The following RBFOX1 variants were observed in gnomAD, a reference collection of about 807,000 sequenced individuals.
RBFOX1 encodes the protein RNA binding protein fox-1 homolog 1.
RBFOX1 carries 8 observed loss-of-function variants against 57.7 expected under a neutral mutation model. That is an observed-to-expected ratio of 0.14 (90% confidence interval 0.08 to 0.25). The LOEUF (loss-of-function observed/expected upper bound fraction) is 0.25. Among genes scored for constraint, RBFOX1 ranks in the 10% least tolerant of loss-of-function variants. The pLI is 1.00. For synonymous variants in RBFOX1, 326 were observed against 222.4 expected, an observed-to-expected ratio of 1.47 and a Z score of -4.15; for missense variants, 611 against 548.5, an observed-to-expected ratio of 1.11 and a Z score of -1.14.
At chr16:7,219,045 G>A (rs1416490804) in intron 4 of RBFOX1, among the ~76,000 whole-genome samples, 1 of 152,148 alleles carries the variant, frequency 6.6e-6, no homozygotes, top group Non-Finnish European at 1.5e-5. Flanking sequence ...GCCAGACAAA[G>A]CACGCCTTTG....
At chr16:6,946,177 A>G (rs1264682397) in intron 3 of RBFOX1, among the ~76,000 whole-genome samples, 1 of 152,250 alleles carries the variant, frequency 6.6e-6, no homozygotes, top group Non-Finnish European at 1.5e-5. Context: ...AAGTGTTTAC[A>G]GTAAAGGACC....
chr16:6,215,284 G>C lies in RBFOX1; in HGVS notation c.-126-101711G>C, dbSNP rs531557696. On this transcript the variant is annotated intron_variant, in intron 1 of 15. Coordinates refer to ENST00000550418, the MANE Select transcript of RBFOX1 (RefSeq NM_018723.4). ...GAAGGGCAGAGGGAGAGAGGGAAAA[G>C]GAGAGGGAGAGGGAGAGAGGGAGAG... Among the ~76,000 whole-genome samples, 351 of 133,728 alleles carry C rather than the reference G, an allele frequency of 2.6e-3. 2 individuals are homozygous for C. The highest frequency in any genetic ancestry group is 5.3e-3 in the Middle Eastern group (1 of 188). 87.7% of individuals were successfully genotyped at this position (133,728 alleles called of 152,430 possible). A position where few individuals can be genotyped will look rare whatever the true frequency, so the allele number is the denominator to read the frequency against.
At chr16:6,370,404 G>A (rs2090259296) in intron 2 of RBFOX1, among the ~76,000 whole-genome samples, 1 of 145,576 alleles carries the variant, frequency 6.9e-6, no homozygotes, top group South Asian at 2.2e-4. Flanking sequence ...ACACACCCTG[G>A]ACTGCCCATT....
At chr16:6,468,435 A>G (rs2095100665) in intron 2 of RBFOX1, among the ~76,000 whole-genome samples, 1 of 152,188 alleles carries the variant, frequency 6.6e-6, no homozygotes, top group Non-Finnish European at 1.5e-5. Context: ...ATACAATTAT[A>G]GCTTAGGACA....
chr16:5,727,596 A>T (rs9922680), intron 3 of RBFOX1, among the ~76,000 whole-genome samples: 12 of 152,140 alleles, frequency 7.9e-5, no homozygotes, highest in African/African-American at 2.7e-4. Flanking sequence ...TTATCTTTTA[A>T]CAAAGTTTGT....
chr16:7,141,704 C>A (rs1023576128), intron 4 of RBFOX1, among the ~76,000 whole-genome samples: 13 of 151,942 alleles, frequency 8.6e-5, no homozygotes, highest in African/African-American at 3.1e-4. Context: ...CTTTTGGATC[C>A]CTTCTTCTCC....
intron 1 of RBFOX1, among the ~76,000 whole-genome samples, chr16:5,429,767 T>G (rs879607159): frequency 6.6e-6 from 1 of 152,198 alleles, no homozygotes; most frequent in Admixed American, 6.5e-5. Context: ...GTGGCAGTGT[T>G]TGGCCTGCTG....
chr16:7,703,493 TAAA>T (rs1568567959), intron 14 of RBFOX1, among the ~76,000 whole-genome samples: 1 of 152,102 alleles, frequency 6.6e-6, no homozygotes, highest in Admixed American at 6.5e-5. Flanking sequence ...AATGGAAGAA[TAAA>T]AAGTTCCCAG....
At chr16:7,503,506 C>T (rs1040081547) in intron 4 of RBFOX1, among the ~76,000 whole-genome samples, 15 of 152,144 alleles carry the variant, frequency 9.9e-5, no homozygotes, top group African/African-American at 3.6e-4. Context: ...TCCTTCTCCC[C>T]TTGTGGATTT....
At chr16:6,951,428 C>G (rs1598203272) in intron 3 of RBFOX1, among the ~76,000 whole-genome samples, 1 of 152,280 alleles carries the variant, frequency 6.6e-6, no homozygotes. Context: ...TTAAGAATCT[C>G]ATAATGGAGT....
rs146533694 is a variant in RBFOX1 at position 7,615,186 on chromosome 16, A to G, written c.676+7848A>G. Among the ~76,000 whole-genome samples, 15 of 152,308 alleles carry G rather than the reference A, an allele frequency of 9.8e-5. No homozygotes were observed. The East Asian group carries it at 2.7e-3, about 27-fold the overall frequency. ...ATCTCTACTAAAAATACAAAAAAGT[A>G]TCTGGGCGTGGTGGCGGGCACCTGT... On this transcript the variant is annotated intron_variant, in intron 10 of 15. Transcript: ENST00000550418.
At chr16:5,378,514 C>T (rs371495058) in intron 1 of RBFOX1, among the ~76,000 whole-genome samples, 3 of 151,612 alleles carry the variant, frequency 2.0e-5, no homozygotes, top group African/African-American at 2.4e-5. Flanking sequence ...TAACTATTTT[C>T]GTTCTGTGAA....
rs549407621 is a variant in RBFOX1, at chr16:6,335,883, T to C, written c.-64+18826T>C. ...AGAGAACCTGCATTGTGATATTTCC[T>C]ATGTCCATATGTCCATCATTGTTCT... On this transcript the variant is annotated intron_variant, in intron 2 of 15. Transcript: ENST00000550418. Among the ~76,000 whole-genome samples the C allele has an allele frequency of 4.0e-5, 6 of 150,878 alleles. No individual in the cohort carries two copies. The South Asian group carries it at 6.3e-4, about 16-fold the overall frequency.
intron 4 of RBFOX1, among the ~76,000 whole-genome samples, chr16:7,089,694 C>G (rs2151081033): frequency 6.6e-6 from 1 of 152,230 alleles, no homozygotes; most frequent in East Asian, 1.9e-4. Context: ...TCCCAGACCC[C>G]CTTCCACATC....
At chr16:6,441,891 C>T (rs147819556) in intron 2 of RBFOX1, among the ~76,000 whole-genome samples, 13 of 152,264 alleles carry the variant, frequency 8.5e-5, no homozygotes, top group Non-Finnish European at 1.6e-4. Flanking sequence ...ATCTCTGACT[C>T]AGGCAGCAGT....
intron 3 of RBFOX1, among the ~76,000 whole-genome samples, chr16:6,900,814 C>G (rs184954093): frequency 1.3e-5 from 2 of 152,288 alleles, no homozygotes; most frequent in Admixed American, 1.3e-4. Context: ...CCTAATATTC[C>G]ACTTAACATG....
chr16:5,805,277 T>C (rs1597324843), intron 3 of RBFOX1, among the ~76,000 whole-genome samples: 1 of 152,282 alleles, frequency 6.6e-6, no homozygotes, highest in African/African-American at 2.4e-5. Flanking sequence ...GGTTCATTCA[T>C]TTATTTATTT....
rs865843019 is a variant in RBFOX1, at chr16:6,838,332, C to A, written c.-16+183682C>A. ...CTGAGAATGATGGCTTCCAGCTTCA[C>A]CCATGTCCCTGCAAAGACCATTAAC... On this transcript the variant is annotated intron_variant, in intron 3 of 15. Transcript: ENST00000550418. Among the ~76,000 whole-genome samples, 6 of 152,078 alleles carry A rather than the reference C, an allele frequency of 3.9e-5. 1 individual carries two copies. The South Asian group carries it at 1.2e-3, about 32-fold the overall frequency.
intron 3 of RBFOX1, among the ~76,000 whole-genome samples, chr16:6,842,979 T>C (rs1199450913): frequency 6.6e-6 from 1 of 152,176 alleles, no homozygotes; most frequent in Non-Finnish European, 1.5e-5. Flanking sequence ...GGTTCATCCA[T>C]GTCCTTGCAA....
Sources: allele counts gnomAD v4.1 joint callset (sites outside exome capture counted in the v4.1 genomes callset), GRCh38; gene constraint gnomAD v4.1.1; transcripts MANE v1.5; gene names NCBI Gene and HGNC (gene_info 2026-07-23, HGNC 2026-07-21).